FHIT: variants seen among roughly 807,000 people sequenced by gnomAD.
FHIT encodes the protein bis(5'-adenosyl)-triphosphatase.
A neutral mutation model predicts 17.9 loss-of-function variants in FHIT; 19 were observed. The observed-to-expected ratio is 1.06, with a 90% CI of 0.74 to 1.56. FHIT has a LOEUF of 1.56. FHIT is among the 40% of genes most tolerant of loss of function. The pLI is 0.00. For missense variants in FHIT, 248 were observed against 189.2 expected, an observed-to-expected ratio of 1.31 and a Z score of -1.82; for synonymous variants, 81 against 69.7, an observed-to-expected ratio of 1.16 and a Z score of -0.81.
chr3:59,933,526 G>A (rs1452307475), intron 7 of FHIT, among the ~76,000 whole-genome samples: 1 of 152,066 alleles, frequency 6.6e-6, no homozygotes, highest in Admixed American at 6.6e-5. Context: ...AATTGTGCAA[G>A]CTCACCAAGC....
chr3:60,146,707 C>T (rs1434950822), intron 5 of FHIT, among the ~76,000 whole-genome samples: 1 of 152,026 alleles, frequency 6.6e-6, no homozygotes, highest in Admixed American at 6.6e-5. Context: ...AAGCACTGTG[C>T]GGATGAACAT....
chr3:59,888,413 C>T (rs186714633), intron 8 of FHIT, among the ~76,000 whole-genome samples: 2 of 152,272 alleles, frequency 1.3e-5, no homozygotes, highest in Admixed American at 6.5e-5. Flanking sequence ...TATCTGACAA[C>T]AGCTAAAAGG....
chr3:60,714,585 G>T (rs1179549519), intron 4 of FHIT, among the ~76,000 whole-genome samples: 20 of 152,270 alleles, frequency 1.3e-4, no homozygotes, highest in African/African-American at 4.8e-4. Context: ...CTTCAGCAAA[G>T]TCTCAGGATA....
chr3:60,173,922 T>G lies in FHIT; in HGVS notation c.104-159770A>C, dbSNP rs1250854254. ...ATATATATATATATATATATGTTTT[T>G]TTTTTTTTTTGAGATCGAGTCTCAC... On this transcript the variant is annotated intron_variant, in intron 5 of 9. Transcript: ENST00000492590. Among the ~76,000 whole-genome samples the G allele has an allele frequency of 4.2e-5, 5 of 119,800 alleles. 1 individual carries two copies. The highest frequency in any genetic ancestry group is 6.3e-4 in the East Asian group (2 of 3,166). The allele number at this position is 119,800 out of a possible 152,430, so 78.6% of individuals were successfully genotyped here.
intron 5 of FHIT, among the ~76,000 whole-genome samples, chr3:60,198,239 T>G (rs1408013248): frequency 6.6e-6 from 1 of 152,144 alleles, no homozygotes; most frequent in Non-Finnish European, 1.5e-5. Flanking sequence ...GCACTAACTT[T>G]CATCAAAAAA....
At chr3:60,470,548 G>A (rs1016320583) in intron 5 of FHIT, among the ~76,000 whole-genome samples, 1 of 151,912 alleles carries the variant, frequency 6.6e-6, no homozygotes, top group African/African-American at 2.4e-5. Context: ...CGAGGTCCAA[G>A]GGCTCTTCAG....
chr3:60,531,097 T>C (rs1024905414), intron 5 of FHIT, among the ~76,000 whole-genome samples: 30 of 152,186 alleles, frequency 2.0e-4, no homozygotes, highest in African/African-American at 7.0e-4. Flanking sequence ...AATATTGTCT[T>C]TGAACATTTC....
At chr3:60,386,539 T>C (rs75359350) in intron 5 of FHIT, among the ~76,000 whole-genome samples, 14 of 152,298 alleles carry the variant, frequency 9.2e-5, no homozygotes, top group African/African-American at 3.4e-4. Context: ...TGCTCTCATA[T>C]ATACCCAGAG....
intron 7 of FHIT, among the ~76,000 whole-genome samples, chr3:59,999,443 A>C (rs1344523959): frequency 6.6e-6 from 1 of 152,160 alleles, no homozygotes; most frequent in Non-Finnish European, 1.5e-5. Flanking sequence ...GATTCCCACT[A>C]GCATGTGATG....
intron 5 of FHIT, among the ~76,000 whole-genome samples, chr3:60,478,345 G>A (rs917152723): frequency 5.9e-5 from 9 of 152,202 alleles, no homozygotes; most frequent in African/African-American, 2.2e-4. Context: ...AATGTATCGG[G>A]GAATAATCCT....
intron 3 of FHIT, among the ~76,000 whole-genome samples, chr3:60,864,211 G>A (rs1186160237): frequency 6.6e-6 from 1 of 152,088 alleles, no homozygotes; most frequent in African/African-American, 2.4e-5. Context: ...TGACATGTGG[G>A]GATTATGGTA....
chr3:60,907,175 G>C (rs1214422886), intron 3 of FHIT, among the ~76,000 whole-genome samples: 1 of 152,162 alleles, frequency 6.6e-6, no homozygotes, highest in Non-Finnish European at 1.5e-5. Flanking sequence ...GGAGTGACCT[G>C]AAGAATATCC....
intron 5 of FHIT, among the ~76,000 whole-genome samples, chr3:60,243,651 A>C (rs1380817828): frequency 1.3e-5 from 2 of 152,142 alleles, no homozygotes; most frequent in African/African-American, 2.4e-5. Flanking sequence ...AGCAGAAACT[A>C]TTATCTTGAA....
chr3:59,785,861 T>C (rs1699259801), intron 8 of FHIT, among the ~76,000 whole-genome samples: 1 of 152,180 alleles, frequency 6.6e-6, no homozygotes, highest in African/African-American at 2.4e-5. Flanking sequence ...TAATCTCTCA[T>C]GCAATCTTTG....
Position 60,477,789 on chromosome 3 carries a change from A to G in FHIT, c.103+59071T>C, listed in dbSNP as rs538063264. Among the ~76,000 whole-genome samples the G allele has an allele frequency of 1.6e-4, 24 of 152,328 alleles. 1 individual carries two copies. The South Asian group carries it at 3.5e-3, about 22-fold the overall frequency. ...CCATAGTAAACATTTTTATCTTGGA[A>G]GGAGGGCAGAGAGCTCATCATCATC... On this transcript the variant is annotated intron_variant, in intron 5 of 9. Coordinates refer to ENST00000492590, the MANE Select transcript of FHIT (RefSeq NM_002012.4).
chr3:60,258,783 A>T (rs1706148291), intron 5 of FHIT, among the ~76,000 whole-genome samples: 1 of 152,088 alleles, frequency 6.6e-6, no homozygotes, highest in African/African-American at 2.4e-5. Context: ...TAGTAATGAA[A>T]AAGTATTATT....
chr3:59,929,369 T>TG (rs1384366390), intron 7 of FHIT, among the ~76,000 whole-genome samples: 1 of 133,146 alleles, frequency 7.5e-6, no homozygotes, highest in African/African-American at 2.8e-5. Context: ...TTTGGTTTTT[T>TG]TTTTTTTTTT....
At chr3:60,625,991 A>C (rs1325636750) in intron 4 of FHIT, among the ~76,000 whole-genome samples, 1 of 152,216 alleles carries the variant, frequency 6.6e-6, no homozygotes, top group African/African-American at 2.4e-5. Context: ...CATTTGTTTA[A>C]AAGGTTTTTA....
chr3:60,890,221 T>TAAAAAAAA (rs59950717), intron 3 of FHIT, among the ~76,000 whole-genome samples: 1 of 115,658 alleles, frequency 8.6e-6, no homozygotes, highest in Admixed American at 8.4e-5. Flanking sequence ...TTCCATGATG[T>TAAAAAAAA]AAAAAAAAAA....
Sources: gnomAD v4.1 joint callset for allele counts (sites outside exome capture counted in the v4.1 genomes callset) on GRCh38, gnomAD v4.1.1 for gene constraint, MANE v1.5 for transcripts, NCBI Gene and HGNC (gene_info 2026-07-23, HGNC 2026-07-21) for gene names.